The following MTR variants were observed in gnomAD, a reference collection of about 807,000 sequenced individuals.
MTR encodes the protein methionine synthase.
In MTR, 84 loss-of-function variants were observed where a neutral mutation model predicts 154.8. The ratio of observed to expected loss-of-function variants is 0.54; its 90% CI spans 0.45 to 0.65. The LOEUF is 0.65. MTR is among the 30% of genes least tolerant of loss of function. MTR has a pLI of 0.00. For missense variants in MTR, 1,275 were observed against 1,570.2 expected (o/e 0.81, Z 3.18); for synonymous variants, 554 against 553.9 (o/e 1.00, Z 0.00).
chr1:236,816,690 C>CT, intron 8 of MTR, 147 bp downstream of exon 8: 2 of 753,196 alleles, frequency 2.7e-6, no homozygotes, highest in South Asian at 3.0e-5. Flanking sequence ...TACTTTCAGA[C>CT]TTTTCCCTAA....
At chr1:236,796,269 A>T (rs930026949) in intron 1 of MTR, among the ~76,000 whole-genome samples, 2 of 152,252 alleles carry the variant, frequency 1.3e-5, no homozygotes, top group Non-Finnish European at 2.9e-5. Context: ...ATAGATGAGC[A>T]GACCCCACCT....
intron 5 of MTR, among the ~76,000 whole-genome samples, chr1:236,812,012 C>T (rs1661334638): frequency 6.6e-6 from 1 of 152,202 alleles, no homozygotes; most frequent in South Asian, 2.1e-4. Flanking sequence ...TCCCCAGTAG[C>T]TGGGGCTACA....
intron 15 of MTR, among the ~76,000 whole-genome samples, chr1:236,847,818 C>A (rs2103226456): frequency 6.6e-6 from 1 of 152,296 alleles, no homozygotes; most frequent in African/African-American, 2.4e-5. Flanking sequence ...GAGTTGAAAG[C>A]CCTTCCTGAT....
intron 22 of MTR, among the ~76,000 whole-genome samples, chr1:236,869,358 C>G (rs942831728): frequency 6.6e-6 from 1 of 152,086 alleles, no homozygotes; most frequent in Non-Finnish European, 1.5e-5. Context: ...ATTCTAAGCA[C>G]TTAAAAAAAG....
chr1:236,862,492 C>T (rs12093994), intron 21 of MTR, 149 bp downstream of exon 21: 105 of 682,156 alleles, frequency 1.5e-4, no homozygotes, highest in African/African-American at 1.3e-3. Context: ...CTTTTTTAAC[C>T]GAGTATCAGA....
intron 1 of MTR, among the ~76,000 whole-genome samples, chr1:236,801,740 A>T (rs1195445735): frequency 6.6e-6 from 1 of 152,166 alleles, no homozygotes; most frequent in African/African-American, 2.4e-5. Flanking sequence ...GCACAGAAGG[A>T]ATGGGTTGGC....
chr1:236,877,190 G>A (rs976823090), intron 24 of MTR, among the ~76,000 whole-genome samples: 5 of 152,226 alleles, frequency 3.3e-5, no homozygotes, highest in African/African-American at 1.2e-4. Context: ...TCTAATTAGT[G>A]ACAGTGGATG....
At chr1:236,825,140 A>ATTT (rs749672025) in intron 9 of MTR, among the ~76,000 whole-genome samples, 198 bp from the exon 10 acceptor site, 3 of 114,146 alleles carry the variant, frequency 2.6e-5, no homozygotes, top group Admixed American at 9.0e-5. Flanking sequence ...TTCCTCTGTG[A>ATTT]TTTTTTTTTT....
chr1:236,860,550 G>A (rs1248787317), intron 19 of MTR, among the ~76,000 whole-genome samples: 6 of 152,134 alleles, frequency 3.9e-5, no homozygotes, highest in Middle Eastern at 3.4e-3. Context: ...ATTGAAGGGC[G>A]GATAAGTCAA....
chr1:236,813,580 G>A (rs985617270), intron 6 of MTR, among the ~76,000 whole-genome samples: 1 of 152,100 alleles, frequency 6.6e-6, no homozygotes, highest in Non-Finnish European at 1.5e-5. Context: ...AGTTTGACAG[G>A]TGGTACCTCA....
intron 18 of MTR, among the ~76,000 whole-genome samples, chr1:236,858,379 C>T (rs1239319450): frequency 6.6e-6 from 1 of 152,178 alleles, no homozygotes; most frequent in African/African-American, 2.4e-5. Flanking sequence ...GATTCAGTTA[C>T]CTCCCACTGG....
rs1347919912 is a variant in MTR at position 236,892,007 on chromosome 1, C to G, written c.3204+678C>G. Among the ~76,000 whole-genome samples, 10 of 152,308 alleles carry G rather than the reference C, an allele frequency of 6.6e-5. No homozygotes were observed. The South Asian group carries it at 1.7e-3, about 25-fold the overall frequency. ...GAACAGACTCTTCTCAGCAACTTGT[C>G]TCTCATCCCCCCCACCTTTGAAAAG... is the stretch of plus-strand genomic sequence containing the variant. On this transcript the variant is annotated intron_variant, in intron 29 of 32. Coordinates refer to ENST00000366577, the MANE Select transcript of MTR (RefSeq NM_000254.3).
chr1:236,889,117 C>A, intron 27 of MTR, 64 bp from the exon 28 acceptor site: 2 of 1,596,830 alleles, frequency 1.3e-6, no homozygotes, highest in African/African-American at 1.3e-5. Context: ...GAGGAGCTGG[C>A]AGGGAGGCCT....
chr1:236,835,032 A>G (rs1181516927), intron 13 of MTR, among the ~76,000 whole-genome samples: 3 of 152,206 alleles, frequency 2.0e-5, no homozygotes, highest in Non-Finnish European at 2.9e-5. Context: ...GAAGAGTTAT[A>G]TAGTTTTTGG....
Position 236,861,163 on chromosome 1 carries a change from C to T in MTR, c.2082C>T (p.Ala694=). 6.2e-7 allele frequency: 1 copy of T among 1,608,684 alleles called. No homozygotes were observed. The highest frequency in any genetic ancestry group is 8.5e-7 in the Non-Finnish European group (1 of 1,179,040). Residue 694 remains alanine (A), a synonymous_variant, in exon 20 of 33, where the codon GCC becomes GCT. Coordinates refer to ENST00000366577, the MANE Select transcript of MTR (RefSeq NM_000254.3). ...EKHIIEDTEE[A]RLNQKKYPRP... The stretch of plus-strand genomic sequence containing the variant: ...ATATTATTGAGGATACTGAGGAAGC[C>T]AGGTTAAACCAAAAAAAATATCCCC...
chr1:236,825,484 C>T (rs1030311141), intron 10 of MTR, 85 bp downstream of exon 10: 18 of 1,332,598 alleles, frequency 1.4e-5, no homozygotes, highest in Admixed American at 5.1e-5. Flanking sequence ...GAGAATTTTC[C>T]CTGAAGAAAT....
chr1:236,846,110 T>A (rs958998204), intron 15 of MTR, among the ~76,000 whole-genome samples: 2 of 152,202 alleles, frequency 1.3e-5, no homozygotes, highest in Non-Finnish European at 2.9e-5. Flanking sequence ...GGCCTGAGAC[T>A]TCTGGATTGA....
chr1:236,854,549 C>A (rs530943826), intron 18 of MTR, among the ~76,000 whole-genome samples: 1 of 152,104 alleles, frequency 6.6e-6, no homozygotes, highest in African/African-American at 2.4e-5. Flanking sequence ...AGTAGGGGGT[C>A]CTTCATTAAT....
At position 236,891,267 on chromosome 1, in the gene MTR, G is replaced by T; in HGVS notation, c.3142G>T (p.Ala1048Ser). The T allele has an allele frequency of 6.2e-7, 1 of 1,614,122 alleles. No homozygotes were observed. Among genetic ancestry groups the T allele is most frequent in the Non-Finnish European group, 8.5e-7 (1 of 1,180,010 alleles). ...QSIQDDIHLYAEAAVPQAAEP... is the reference protein window; with the variant it reads ...QSIQDDIHLYSEAAVPQAAEP... The stretch of plus-strand genomic sequence containing the variant: ...TATCCAAGACGACATTCACCTGTAC[G>T]CAGAGGCTGCTGTGCCCCAGGCTGC... Residue 1048 changes from alanine to serine, a missense_variant, in exon 29 of 33, where the codon GCA becomes TCA. Ala to Ser is a moderately conservative substitution (Grantham distance 99, BLOSUM62 1). Transcript: ENST00000366577.
Sources: allele counts gnomAD v4.1 joint callset (sites outside exome capture counted in the v4.1 genomes callset), GRCh38; gene constraint gnomAD v4.1.1; transcripts MANE v1.5; gene names NCBI Gene and HGNC (gene_info 2026-07-23, HGNC 2026-07-21).